The following DMBT1 variants were observed in gnomAD, a reference collection of about 807,000 sequenced individuals.
The protein encoded by DMBT1 is scavenger receptor cysteine-rich domain-containing protein DMBT1.
DMBT1 carries 198 observed loss-of-function variants against 252.9 expected under a neutral mutation model. The observed-to-expected ratio is 0.78, with a 90% CI of 0.70 to 0.88. The LOEUF is 0.88. DMBT1 is among the 40% of genes least tolerant of loss of function. DMBT1 has a pLI of 0.00. For synonymous variants in DMBT1, 990 were observed against 942.7 expected (o/e 1.05, Z -0.92); for missense variants, 2,432 against 2,404.7 (o/e 1.01, Z -0.24).
chr10:122,573,838 G>A (rs1591202197), intron 6 of DMBT1, 76 bp downstream of exon 6: 6 of 1,556,416 alleles, frequency 3.9e-6, no homozygotes, highest in Non-Finnish European at 5.3e-6. Context: ...ATTCAGATGA[G>A]GTGCAGAGGG....
intron 44 of DMBT1, 60 bp downstream of exon 44, chr10:122,621,440 C>G: frequency 2.5e-6 from 4 of 1,609,252 alleles, no homozygotes; most frequent in Non-Finnish European, 3.4e-6. Context: ...AGAAGAAACT[C>G]CTAATTACAT....
rs778600826 is a variant in DMBT1, at chr10:122,643,426, C to G, written c.*28C>G. Reference sequence around the variant, plus strand: ...GGTCGCTCTCAGACCCCACTGTCCACCGGGGCGCAGACCCCTGACTCGGGG... The same window carrying G: ...GGTCGCTCTCAGACCCCACTGTCCAGCGGGGCGCAGACCCCTGACTCGGGG... On this transcript the variant is annotated 3_prime_UTR_variant, in exon 56 of 56. Coordinates refer to ENST00000338354, the MANE Select transcript of DMBT1 (RefSeq NM_001377530.1). The G allele has an allele frequency of 4.4e-6, 7 of 1,593,604 alleles. 1 individual carries two copies. In the South Asian group the frequency reaches 6.8e-5, roughly 15 times the overall value.
Position 122,640,159 on chromosome 10 carries a change from G to C in DMBT1, c.7062G>C (p.Trp2354Cys), listed in dbSNP as rs773111850. 30 of 1,613,896 alleles carry C rather than the reference G, an allele frequency of 1.9e-5. No homozygotes were observed. The highest frequency in any genetic ancestry group is 2.5e-5 in the Non-Finnish European group (29 of 1,179,914). ...GCTGCAGAATGCTTCAGAACACCTGGGTCGACACCATGTACATTGCTAATG... is the reference window on the plus strand; with the variant it reads ...GCTGCAGAATGCTTCAGAACACCTGCGTCGACACCATGTACATTGCTAATG... The part of the protein sequence containing the change: ...HVSCRMLQNT[W>C]VDTMYIANDT... The change falls in exon 55 of 56, where the codon TGG (tryptophan) becomes TGC (cysteine). Residue 2354 changes from tryptophan to cysteine, a missense_variant. This residue lies in a region of DMBT1 where 1,162 missense variants were observed against 1,169.0 expected (regional missense o/e 0.99). Coordinates refer to ENST00000338354, the MANE Select transcript of DMBT1 (RefSeq NM_001377530.1).
intron 55 of DMBT1, among the ~76,000 whole-genome samples, chr10:122,641,260 A>C (rs1450036867): frequency 6.6e-6 from 1 of 152,162 alleles, no homozygotes; most frequent in Non-Finnish European, 1.5e-5. Context: ...ACTCTTCTGC[A>C]CTCATGATGA....
chr10:122,570,821 G>A lies in DMBT1; in HGVS notation c.140-69G>A, dbSNP rs1425122203. 2.2e-5 allele frequency: 35 copies of A among 1,556,968 alleles called. No homozygotes were observed. In the South Asian group the frequency reaches 2.3e-4, roughly 10 times the overall value. On this transcript the variant is annotated intron_variant, in intron 3 of 55. Coordinates refer to ENST00000338354, the MANE Select transcript of DMBT1 (RefSeq NM_001377530.1). ...TTCCAGCCCTTGCTTCAGAGCTGAC[G>A]AAGCCATGGACCAACCCTCCCCAAA...
intron 54 of DMBT1, among the ~76,000 whole-genome samples, chr10:122,639,483 T>G (rs1409520908): frequency 6.6e-6 from 1 of 151,788 alleles, no homozygotes; most frequent in Non-Finnish European, 1.5e-5. Flanking sequence ...AGGGGGTTGT[T>G]CTCTGGCGGG....
At chr10:122,578,437 G>C (rs1361947909) in intron 8 of DMBT1, among the ~76,000 whole-genome samples, 1 of 152,194 alleles carries the variant, frequency 6.6e-6, no homozygotes, top group Admixed American at 6.5e-5. Context: ...GAGCCAGTCA[G>C]TCCACGCGTC....
intron 52 of DMBT1, among the ~76,000 whole-genome samples, chr10:122,634,225 C>A (rs1334510133): frequency 6.6e-6 from 1 of 152,082 alleles, no homozygotes; most frequent in Non-Finnish European, 1.5e-5. Context: ...TGTGAGTTCC[C>A]CAGGGGTCGG....
chr10:122,593,136 G>A (rs1410068861), intron 20 of DMBT1, among the ~76,000 whole-genome samples: 5 of 149,016 alleles, frequency 3.4e-5, no homozygotes, highest in African/African-American at 9.7e-5. Flanking sequence ...CTCTCAGAAC[G>A]CTGCAGAGCA....
chr10:122,581,059 T>A (rs1033193621), intron 11 of DMBT1, among the ~76,000 whole-genome samples, 164 bp downstream of exon 11: 1 of 148,594 alleles, frequency 6.7e-6, no homozygotes, highest in Non-Finnish European at 1.5e-5. Flanking sequence ...CAGCGCTTTT[T>A]AAACACACAC....
intron 46 of DMBT1, among the ~76,000 whole-genome samples, chr10:122,629,298 A>G (rs1261520754): frequency 6.6e-6 from 1 of 152,238 alleles, no homozygotes; most frequent in Non-Finnish European, 1.5e-5. Flanking sequence ...AGAGAGGTTA[A>G]GTAACTGGCT....
Position 122,643,605 on chromosome 10 carries a change from T to A in DMBT1, c.*207T>A. Reference sequence around the variant, plus strand: ...CCGTTGCAGGGTGAGGTCAAGAGAGTTCTGACCTGGATGGCCCATAGACCT... The same window carrying A: ...CCGTTGCAGGGTGAGGTCAAGAGAGATCTGACCTGGATGGCCCATAGACCT... On this transcript the variant is annotated 3_prime_UTR_variant, in exon 56 of 56. Transcript: ENST00000338354. 1 of 684,150 alleles carries A rather than the reference T, an allele frequency of 1.5e-6. No individual in the cohort carries two copies. Among genetic ancestry groups the A allele is most frequent in the Non-Finnish European group, 2.4e-6 (1 of 417,948 alleles). The allele number at this position is 684,150 out of a possible 1,614,324, so 42.4% of individuals were successfully genotyped here.
At position 122,643,695 on chromosome 10, in the gene DMBT1, G is replaced by A. The variant is rs1372309460; in HGVS notation, c.*297G>A. 2.5e-6 allele frequency: 1 copy of A among 400,706 alleles called. No homozygotes were observed. Among genetic ancestry groups the A allele is most frequent in the African/African-American group, 2.0e-5 (1 of 50,484 alleles). 24.8% of individuals were successfully genotyped at this position (400,706 alleles called of 1,614,324 possible). A position where few individuals can be genotyped will look rare whatever the true frequency, so the allele number is the denominator to read the frequency against. On this transcript the variant is annotated 3_prime_UTR_variant, in exon 56 of 56. Transcript: ENST00000338354. ...ATGTCAATACTTACTTCTTAGCACTGTTGAGAGGGTTACTTACATAAAGGA... is the reference window on the plus strand; with the variant it reads ...ATGTCAATACTTACTTCTTAGCACTATTGAGAGGGTTACTTACATAAAGGA...
chr10:122,600,927 C>T, intron 27 of DMBT1, 64 bp from the exon 28 acceptor site: 1 of 685,984 alleles, frequency 1.5e-6, no homozygotes, highest in Non-Finnish European at 2.7e-6. Context: ...TCCCAGAGAA[C>T]CTTTTGTTCT....
At chr10:122,636,990 T>C (rs929796832) in intron 53 of DMBT1, 138 bp from the exon 54 acceptor site, 33 of 734,448 alleles carry the variant, frequency 4.5e-5, no homozygotes, top group Middle Eastern at 3.9e-4. Context: ...GTGAGGTCTA[T>C]GCCCACATCC....
chr10:122,574,220 G>A lies in DMBT1; in HGVS notation c.283+458G>A, dbSNP rs938444780. Among the ~76,000 whole-genome samples, 3 of 152,188 alleles carry A rather than the reference G, an allele frequency of 2.0e-5. No individual in the cohort carries two copies. In the East Asian group the frequency reaches 5.8e-4, roughly 29 times the overall value. On this transcript the variant is annotated intron_variant, in intron 6 of 55. Transcript: ENST00000338354. ...GCCACCCTTGTTTCTTCTTAACAGA[G>A]AGAAATCACAATCCTTCAGCTCATG...
Position 122,589,096 on chromosome 10 carries a change from G to C in DMBT1, c.1936G>C (p.Gly646Arg). Residue 646 changes from glycine to arginine, a missense_variant, in exon 17 of 56, where the codon GGC becomes CGC. Physicochemically the swap from Gly to Arg is moderately radical, Grantham distance 125 (BLOSUM62 -2). Around this residue, in one of 3 missense-constraint regions of DMBT1, gnomAD observed 1,264 missense variants for 1,082.2 expected, o/e 1.17. Coordinates refer to ENST00000338354, the MANE Select transcript of DMBT1 (RefSeq NM_001377530.1). ...TGTGGTCTGCAGGCAGCTGGGCTGT[G>C]GCTGGGCCACGTCAGCCCCAGGAAA... ...ANVVCRQLGC[G>R]WATSAPGNAR... The C allele has an allele frequency of 1.3e-6, 2 of 1,588,722 alleles. No homozygotes were observed.
intron 10 of DMBT1, 55 bp from the exon 11 acceptor site, chr10:122,580,811 T>C: frequency 1.2e-6 from 2 of 1,609,392 alleles, no homozygotes; most frequent in Non-Finnish European, 1.7e-6. Context: ...TCGTTCCAGT[T>C]TTGCCGACTT....
chr10:122,637,285 C>A lies in DMBT1; in HGVS notation c.6915C>A (p.Pro2305=). The change falls in exon 54 of 56, where the codon CCC becomes CCA. Residue 2305 remains proline, a synonymous_variant. Coordinates refer to ENST00000338354, the MANE Select transcript of DMBT1 (RefSeq NM_001377530.1). The part of the protein sequence containing the change: ...ITPNLVIFTI[P]YSGCGTFKQA... ...CGAACCTGGTGATATTCACAATTCC[C>A]TACTCAGGCTGCGGCACCTTCAAGC... 1 of 1,612,552 alleles carries A rather than the reference C, an allele frequency of 6.2e-7. No individual in the cohort carries two copies. The highest frequency in any genetic ancestry group is 8.5e-7 in the Non-Finnish European group (1 of 1,179,136).
Sources: gnomAD v4.1 joint callset for allele counts (sites outside exome capture counted in the v4.1 genomes callset) on GRCh38, gnomAD v4.1.1 for gene constraint, gnomAD v4.1.1 regional missense constraint, MANE v1.5 for transcripts, NCBI Gene and HGNC (gene_info 2026-07-23, HGNC 2026-07-21) for gene names.